The following FANK1 variants were observed in gnomAD, a reference collection of about 807,000 sequenced individuals.
FANK1 encodes the protein fibronectin type 3 and ankyrin repeat domains protein 1.
Under a neutral mutation model 45.3 loss-of-function variants are expected in FANK1, and 44 were observed. The observed-to-expected ratio is 0.97, with a 90% CI of 0.76 to 1.25. The LOEUF is 1.25. Ranked by LOEUF, FANK1 falls within the 50% of genes most tolerant of loss-of-function variation. The probability of loss-of-function intolerance (pLI) is 0.00; values close to 1 mark genes in which losing one functional copy is unlikely to be tolerated. For synonymous variants in FANK1, 149 were observed against 152.5 expected (o/e 0.98, Z 0.17); for missense variants, 391 against 424.4 (o/e 0.92, Z 0.69).
chr10:125,988,360 A>C (rs1272121549), intron 2 of FANK1, among the ~76,000 whole-genome samples, 191 bp from the exon 3 acceptor site: 1 of 152,144 alleles, frequency 6.6e-6, no homozygotes, highest in African/African-American at 2.4e-5. Flanking sequence ...GACAGAGTGC[A>C]CCTGCTGGAT....
In FANK1 at chr10:126,004,540, G is replaced by A. The variant is rs1410098893; in HGVS notation, c.540-344G>A. The A allele has an allele frequency of 6.0e-5, 13 of 215,170 alleles. 1 individual carries two copies. Among genetic ancestry groups the A allele is most frequent in the African/African-American group, 1.8e-4 (8 of 43,534 alleles). The allele number at this position is 215,170 out of a possible 1,614,324, so 13.3% of individuals were successfully genotyped here. ...ACCCCATTACTCCTTCCCTTCAGCC[G>A]CAGGCAACCGCTCACCTGCTAGTTC... On this transcript the variant is annotated intron_variant, in intron 6 of 10. Coordinates refer to ENST00000368693, the MANE Select transcript of FANK1 (RefSeq NM_145235.5).
At chr10:125,899,526 A>C (rs74981346) in intron 1 of FANK1, among the ~76,000 whole-genome samples, 161 of 149,874 alleles carry the variant, frequency 1.1e-3, no homozygotes, top group Non-Finnish European at 1.9e-3. Context: ...ATTCTTTTAC[A>C]GTCTAAGAAA....
intron 1 of FANK1, among the ~76,000 whole-genome samples, chr10:125,924,819 A>AT (rs1240831372): frequency 7.4e-5 from 10 of 134,474 alleles, no homozygotes; most frequent in African/African-American, 2.3e-4. Flanking sequence ...AAAAAAAAAA[A>AT]AAAAAAAAAG....
At chr10:125,949,066 C>T (rs539652635) in intron 1 of FANK1, among the ~76,000 whole-genome samples, 1 of 151,122 alleles carries the variant, frequency 6.6e-6, no homozygotes, top group South Asian at 2.1e-4. Flanking sequence ...CAAAATTCAA[C>T]AACCCTTCAT....
intron 1 of FANK1, among the ~76,000 whole-genome samples, chr10:125,924,178 ATTTG>A (rs1180579129): frequency 1.1e-4 from 16 of 151,948 alleles, no homozygotes; most frequent in Admixed American, 1.0e-3. Context: ...TTTGTATTTC[ATTTG>A]TTTGTTATGT....
At chr10:125,913,471 C>T (rs1254870964) in intron 1 of FANK1, among the ~76,000 whole-genome samples, 3 of 152,138 alleles carry the variant, frequency 2.0e-5, no homozygotes, top group Admixed American at 1.3e-4. Flanking sequence ...ATCAGTTGCC[C>T]GTTGGTAACT....
chr10:125,952,482 A>G (rs72837795), intron 1 of FANK1, among the ~76,000 whole-genome samples: 7,366 of 152,238 alleles, frequency 0.048, 258 homozygotes, highest in South Asian at 0.09. Context: ...AAAAAAGTTC[A>G]GAGAAGATGT....
In FANK1 at chr10:125,988,531, G is replaced by A; in HGVS notation, c.192-20G>A. On this transcript the variant is annotated intron_variant, in intron 2 of 10. Coordinates refer to ENST00000368693, the MANE Select transcript of FANK1 (RefSeq NM_145235.5). Reference sequence around the variant, plus strand: ...TTAAGCTACCTGGTGTTATCAGCATGTTTGTCTCCTCCTGTCTAGGGGATA... The same window carrying A: ...TTAAGCTACCTGGTGTTATCAGCATATTTGTCTCCTCCTGTCTAGGGGATA... 6.2e-7 allele frequency: 1 copy of A among 1,611,992 alleles called. No individual in the cohort carries two copies. The highest frequency in any genetic ancestry group is 2.2e-5 in the East Asian group (1 of 44,810).
At position 125,952,272 on chromosome 10, in the gene FANK1, T is replaced by G. The variant is rs1021167145; in HGVS notation, c.14-27889T>G. On this transcript the variant is annotated intron_variant, in intron 1 of 10. Coordinates refer to ENST00000368693, the MANE Select transcript of FANK1 (RefSeq NM_145235.5). Reference sequence around the variant, plus strand: ...GTATCTTTCTTGACAGGTGAAAACTTTTATTTTAACTAGGTATCAATAAGA... The same window carrying G: ...GTATCTTTCTTGACAGGTGAAAACTGTTATTTTAACTAGGTATCAATAAGA... Among the ~76,000 whole-genome samples the G allele has an allele frequency of 2.0e-5, 3 of 152,202 alleles. No homozygotes were observed. The South Asian group carries it at 6.2e-4, about 32-fold the overall frequency.
chr10:125,922,607 G>T (rs1440725022), intron 1 of FANK1, among the ~76,000 whole-genome samples: 1 of 152,172 alleles, frequency 6.6e-6, no homozygotes, highest in Non-Finnish European at 1.5e-5. Flanking sequence ...TTCTCAACCG[G>T]CTAGGCTCAA....
At chr10:125,967,666 C>A (rs564842270) in intron 1 of FANK1, among the ~76,000 whole-genome samples, 3 of 152,192 alleles carry the variant, frequency 2.0e-5, no homozygotes, top group Admixed American at 2.0e-4. Flanking sequence ...TGCAGTGGTA[C>A]AATCATAGCT....
chr10:125,981,496 CAAA>C (rs60627576), intron 2 of FANK1, among the ~76,000 whole-genome samples: 27 of 117,306 alleles, frequency 2.3e-4, no homozygotes, highest in Non-Finnish European at 2.7e-4. Flanking sequence ...GACCCTGTCT[CAAA>C]AAAAAAAAAA....
Position 125,997,453 on chromosome 10 carries a change from C to T in FANK1, c.507C>T (p.Asp169=), listed in dbSNP as rs368490061. Reference sequence around the variant, plus strand: ...AAATCCTAGTTTCTAATGGCACAGACGTGAATCTGAAGAATGGAAGTGGCA... The same window carrying T: ...AAATCCTAGTTTCTAATGGCACAGATGTGAATCTGAAGAATGGAAGTGGCA... The part of the protein sequence containing the change: ...LVKILVSNGT[D]VNLKNGSGKD... The change falls in exon 6 of 11, where the codon GAC becomes GAT. Residue 169 remains aspartate (D), a synonymous_variant. Coordinates refer to ENST00000368693, the MANE Select transcript of FANK1 (RefSeq NM_145235.5). 83 of 1,613,620 alleles carry T rather than the reference C, an allele frequency of 5.1e-5. No individual in the cohort carries two copies. Among genetic ancestry groups the T allele is most frequent in the East Asian group, 1.3e-4 (6 of 44,884 alleles).
intron 3 of FANK1, among the ~76,000 whole-genome samples, chr10:125,988,989 G>A (rs764279754): frequency 2.4e-4 from 36 of 152,282 alleles, no homozygotes; most frequent in Non-Finnish European, 3.7e-4. Flanking sequence ...AAGCCTAAGC[G>A]TCCCCACACA....
Position 126,008,508 on chromosome 10 carries a change from C to CAATGTG in FANK1, c.816_821dup (p.Asn272_Val273dup). 1 of 1,613,386 alleles carries CAATGTG rather than the reference C, an allele frequency of 6.2e-7. No individual in the cohort carries two copies. Among genetic ancestry groups the CAATGTG allele is most frequent in the Non-Finnish European group, 8.5e-7 (1 of 1,179,718 alleles). ...CCTCTCTTCTAATTGATGCTGGGGC[C>CAATGTG]AATGTGAATGTGAAGGACAGAAATG... On this transcript the variant is annotated inframe_insertion, in exon 8 of 11. Transcript: ENST00000368693.
At chr10:125,924,361 C>T (rs1424696912) in intron 1 of FANK1, among the ~76,000 whole-genome samples, 4 of 151,284 alleles carry the variant, frequency 2.6e-5, no homozygotes, top group Non-Finnish European at 5.9e-5. Flanking sequence ...TCAAGCAATT[C>T]TCCTGCCTCA....
chr10:125,904,056 C>G (rs373953080), intron 1 of FANK1, among the ~76,000 whole-genome samples: 4 of 151,994 alleles, frequency 2.6e-5, no homozygotes, highest in African/African-American at 9.7e-5. Flanking sequence ...TGGAGTCTCT[C>G]TTTGTTCCCC....
At chr10:125,975,444 C>G (rs1305734011) in intron 1 of FANK1, among the ~76,000 whole-genome samples, 1 of 152,184 alleles carries the variant, frequency 6.6e-6, no homozygotes, top group Non-Finnish European at 1.5e-5. Context: ...AATCGTTGAA[C>G]AAATTTATCC....
chr10:125,994,776 C>G, intron 3 of FANK1: 1 of 985,316 alleles, frequency 1.0e-6, no homozygotes, highest in Non-Finnish European at 1.2e-6. Context: ...GCTGATGTCC[C>G]CTGTACAAAG....
Sources: gnomAD v4.1 joint callset for allele counts (sites outside exome capture counted in the v4.1 genomes callset) on GRCh38, gnomAD v4.1.1 for gene constraint, MANE v1.5 for transcripts, NCBI Gene and HGNC (gene_info 2026-07-23, HGNC 2026-07-21) for gene names.